Variants in GALK2 observed in about 807,000 individuals in gnomAD.
GALK2 encodes galactokinase 2.
A neutral mutation model predicts 52.4 loss-of-function variants in GALK2; 36 were observed. That is an observed-to-expected ratio of 0.69 (90% CI 0.53 to 0.91). The LOEUF is 0.91. Ranked by LOEUF, GALK2 falls within the 40% of genes least tolerant of loss-of-function variation. The pLI is 0.00. For missense variants in GALK2, 579 were observed against 559.1 expected (o/e 1.04, Z -0.36); for synonymous variants, 176 against 199.1 (o/e 0.88, Z 0.98).
chr15:49,228,687 A>ATATAT (rs1555409061), intron 3 of GALK2, among the ~76,000 whole-genome samples: 4 of 14,274 alleles, frequency 2.8e-4, no homozygotes, highest in Non-Finnish European at 3.5e-4. Flanking sequence ...ATATATATAT[A>ATATAT]TTTTTTTTTT....
chr15:49,314,820 TGA>T (rs995147819), intron 8 of GALK2, among the ~76,000 whole-genome samples: 4 of 152,206 alleles, frequency 2.6e-5, no homozygotes, highest in Admixed American at 6.5e-5. Flanking sequence ...AGATTGGAGT[TGA>T]GTCTCTTCAA....
chr15:49,348,471 G>A (rs1193654650), intron 3 of GALK2, among the ~76,000 whole-genome samples: 3 of 152,158 alleles, frequency 2.0e-5, no homozygotes, highest in South Asian at 2.1e-4. Context: ...CCACCAAAAG[G>A]AGCCAATTTC....
At chr15:49,233,742 C>T (rs1461343327) in intron 3 of GALK2, among the ~76,000 whole-genome samples, 2 of 152,164 alleles carry the variant, frequency 1.3e-5, no homozygotes, top group Admixed American at 6.5e-5. Flanking sequence ...AGTCAGACTA[C>T]GCATTTTTGG....
In GALK2 at chr15:49,233,527, C is replaced by G. The variant is rs77615865; in HGVS notation, c.267-2324C>G. 4.6e-3 allele frequency among the ~76,000 whole-genome samples: 693 copies of G among 152,278 alleles called. 7 individuals carry two copies. Among genetic ancestry groups the G allele is most frequent in the African/African-American group, 0.016 (661 of 41,534 alleles). ...TTTTTCTCCTCATACCTGCCTACCC[C>G]CTCTGTTCATATTCCCCTCTCAAAA... On this transcript the variant is annotated intron_variant, in intron 3 of 9. Coordinates refer to ENST00000560031, the MANE Select transcript of GALK2 (RefSeq NM_002044.4).
At chr15:49,317,327 A>C (rs756451102) in intron 8 of GALK2, among the ~76,000 whole-genome samples, 16 of 151,376 alleles carry the variant, frequency 1.1e-4, no homozygotes, top group Non-Finnish European at 1.8e-4. Flanking sequence ...ATCACTGGTC[A>C]TTAGAGAAAT....
At chr15:49,267,009 C>T (rs1336934051) in intron 5 of GALK2, among the ~76,000 whole-genome samples, 1 of 151,920 alleles carries the variant, frequency 6.6e-6, no homozygotes, top group Non-Finnish European at 1.5e-5. Context: ...GAACTAAAAA[C>T]CAGTATGGAA....
chr15:49,300,478 G>T (rs983354281), intron 8 of GALK2, among the ~76,000 whole-genome samples: 1 of 152,004 alleles, frequency 6.6e-6, no homozygotes. Context: ...TCTTGTCATT[G>T]CTTTGTTAGC....
At chr15:49,288,229 A>G (rs2033582870) in intron 7 of GALK2, among the ~76,000 whole-genome samples, 1 of 152,194 alleles carries the variant, frequency 6.6e-6, no homozygotes, top group Non-Finnish European at 1.5e-5. Context: ...GTTATGTTGA[A>G]GAATAAAATG....
At chr15:49,163,932 AT>A (rs887417596) in intron 1 of GALK2, among the ~76,000 whole-genome samples, 58 of 151,906 alleles carry the variant, frequency 3.8e-4, no homozygotes, top group African/African-American at 1.4e-3. Context: ...CATCTTTAAA[AT>A]TTTTTTTTAC....
At position 49,192,997 on chromosome 15, in the gene GALK2, C is replaced by CT. The variant is rs35231463; in HGVS notation, c.54-8145dup. 1.4e-3 allele frequency among the ~76,000 whole-genome samples: 94 copies of CT among 67,082 alleles called. No homozygotes were observed. In the East Asian group the frequency reaches 0.04, roughly 28 times the overall value. The allele number at this position is 67,082 out of a possible 152,430, so 44.0% of individuals were successfully genotyped here. The stretch of plus-strand genomic sequence containing the variant: ...TTTGTTATGAATTTTCTGTTTATAC[C>CT]TTTTTTTTTTTTTTTTTTTTGATGG... On this transcript the variant is annotated intron_variant, in intron 1 of 9. Transcript: ENST00000560031.
intron 8 of GALK2, among the ~76,000 whole-genome samples, chr15:49,314,196 CTT>C (rs2036224010): frequency 2.0e-5 from 3 of 152,300 alleles, no homozygotes; most frequent in South Asian, 4.1e-4. Flanking sequence ...ATAGGCAACT[CTT>C]TGTTACAAAG....
At chr15:49,301,943 A>T (rs2035149631) in intron 8 of GALK2, among the ~76,000 whole-genome samples, 1 of 152,180 alleles carries the variant, frequency 6.6e-6, no homozygotes, top group South Asian at 2.1e-4. Context: ...AGAACAAAAC[A>T]ACTTGTTATA....
In GALK2 at chr15:49,359,804, T is replaced by G. The variant is rs970316826; in HGVS notation, c.427-7687T>G. ...CACATGCACATGTATGTTTATTGCG[T>G]CATTATTCACAATAGCAAAGACTTG... On this transcript the variant is annotated intron_variant, in intron 3 of 3. Coordinates refer to the GALK2 transcript ENST00000558399. 5.0e-3 allele frequency among the ~76,000 whole-genome samples: 685 copies of G among 137,714 alleles called. 18 individuals carry two copies. Among genetic ancestry groups the G allele is most frequent in the African/African-American group, 0.017 (614 of 36,422 alleles). The allele number at this position is 137,714 out of a possible 152,430, so 90.3% of individuals were successfully genotyped here. A position where few individuals can be genotyped will look rare whatever the true frequency, so the allele number is the denominator to read the frequency against.
chr15:49,228,689 T>TATATA (rs2090324004), intron 3 of GALK2, among the ~76,000 whole-genome samples: 3 of 10,954 alleles, frequency 2.7e-4, no homozygotes, highest in African/African-American at 1.4e-3. Context: ...ATATATATAT[T>TATATA]TTTTTTTTTT....
intron 1 of GALK2, among the ~76,000 whole-genome samples, chr15:49,179,688 G>T (rs1381453355): frequency 4.9e-5 from 7 of 144,084 alleles, no homozygotes; most frequent in East Asian, 2.1e-4. Flanking sequence ...TAAGTCAAAA[G>T]AGCATTCAGA....
At chr15:49,222,874 A>G (rs1026390292) in intron 3 of GALK2, among the ~76,000 whole-genome samples, 1 of 152,046 alleles carries the variant, frequency 6.6e-6, no homozygotes, top group Non-Finnish European at 1.5e-5. Context: ...ACCTTTCTCT[A>G]ATTTTAGCAT....
intron 6 of GALK2, 77 bp from the exon 7 acceptor site, chr15:49,283,489 A>T: frequency 7.7e-7 from 1 of 1,298,656 alleles, no homozygotes; most frequent in Non-Finnish European, 1.1e-6. Flanking sequence ...AAAACACTTT[A>T]AGATAAATAC....
At chr15:49,204,586 T>C (rs1235552764) in intron 2 of GALK2, among the ~76,000 whole-genome samples, 1 of 152,198 alleles carries the variant, frequency 6.6e-6, no homozygotes, top group Non-Finnish European at 1.5e-5. Flanking sequence ...TCATTTTTTT[T>C]AGCTATTTCA....
intron 5 of GALK2, among the ~76,000 whole-genome samples, chr15:49,258,342 G>A (rs1389836926): frequency 1.3e-5 from 2 of 152,036 alleles, no homozygotes; most frequent in Non-Finnish European, 2.9e-5. Flanking sequence ...GGGGGTATTA[G>A]TATATTTTAA....
Sources: allele counts gnomAD v4.1 joint callset (sites outside exome capture counted in the v4.1 genomes callset), GRCh38; gene constraint gnomAD v4.1.1; transcripts MANE v1.5; gene names NCBI Gene and HGNC (gene_info 2026-07-23, HGNC 2026-07-21).